The following MTR variants were observed in gnomAD, a reference collection of about 807,000 sequenced individuals.
MTR encodes the protein methionine synthase.
MTR carries 84 observed loss-of-function variants against 154.8 expected under a neutral mutation model. The observed-to-expected ratio is 0.54, with a 90% CI of 0.45 to 0.65. The LOEUF (loss-of-function observed/expected upper bound fraction) is 0.65. Ranked by LOEUF, MTR falls within the 30% of genes least tolerant of loss-of-function variation. The pLI is 0.00. For missense variants in MTR, 1,275 were observed against 1,570.2 expected (o/e 0.81, Z 3.18); for synonymous variants, 554 against 553.9 (o/e 1.00, Z 0.00).
intron 11 of MTR, among the ~76,000 whole-genome samples, chr1:236,828,390 A>C (rs1179067216): frequency 6.6e-6 from 1 of 152,176 alleles, no homozygotes; most frequent in African/African-American, 2.4e-5. Flanking sequence ...CCTCTTTAAA[A>C]AGAGGAGTTG....
rs755001529 is a variant in MTR, at chr1:236,861,157, G to A, written c.2076G>A (p.Glu692=). The A allele has an allele frequency of 6.9e-6, 11 of 1,601,550 alleles. No homozygotes were observed. Among genetic ancestry groups the A allele is most frequent in the South Asian group, 4.4e-5 (4 of 90,026 alleles). The change falls in exon 20 of 33, where the codon GAG becomes GAA. Residue 692 remains glutamate, a synonymous_variant. Transcript: ENST00000366577. ...AAAAACATATTATTGAGGATACTGA[G>A]GAAGCCAGGTTAAACCAAAAAAAAT... ...GIEKHIIEDT[E]EARLNQKKYP...
chr1:236,825,237 A>G (rs762791499), intron 9 of MTR, 101 bp from the exon 10 acceptor site: 49 of 728,406 alleles, frequency 6.7e-5, no homozygotes, highest in Non-Finnish European at 1.0e-4. Context: ...TCACCATTTA[A>G]TATAAATATA....
At chr1:236,820,552 G>GA in intron 8 of MTR, 1 of 618,126 alleles carries the variant, frequency 1.6e-6, no homozygotes, top group Non-Finnish European at 2.9e-6. Flanking sequence ...AAGTAACATG[G>GA]AAATAAGGCT....
rs746542041 is a variant in MTR at position 236,832,084 on chromosome 1, C to T, written c.1188+6C>T. The T allele has an allele frequency of 2.5e-6, 4 of 1,604,470 alleles. No homozygotes were observed. The African/African-American group carries it at 5.4e-5, about 21-fold the overall frequency. On this transcript the variant is annotated splice_donor_region_variant and intron_variant, in intron 13 of 32. Coordinates refer to ENST00000366577, the MANE Select transcript of MTR (RefSeq NM_000254.3). ...TCATGGCAGGAAACTATGAAGTGAG[C>T]ATCTTAATAAGACCCCTGAGGCATC... is the stretch of plus-strand genomic sequence containing the variant.
At chr1:236,843,437 T>C (rs893720238) in intron 15 of MTR, among the ~76,000 whole-genome samples, 2 of 152,174 alleles carry the variant, frequency 1.3e-5, no homozygotes, top group South Asian at 4.1e-4. Flanking sequence ...ACATAGGGCC[T>C]TGGAGGCCAT....
intron 14 of MTR, among the ~76,000 whole-genome samples, chr1:236,837,169 C>T (rs997983113): frequency 5.3e-5 from 8 of 152,112 alleles, no homozygotes; most frequent in African/African-American, 1.4e-4. Context: ...CAAGCAAATA[C>T]AAGCCGATAC....
At chr1:236,864,765 C>G (rs1182665577) in intron 22 of MTR, among the ~76,000 whole-genome samples, 1 of 152,192 alleles carries the variant, frequency 6.6e-6, no homozygotes, top group Non-Finnish European at 1.5e-5. Context: ...GCATTCATCA[C>G]AGTCAGTTAA....
intron 15 of MTR, among the ~76,000 whole-genome samples, chr1:236,841,729 A>G (rs1663248753): frequency 6.6e-6 from 1 of 151,642 alleles, no homozygotes; most frequent in Non-Finnish European, 1.5e-5. Context: ...AATATTTTTG[A>G]AACCTTACGT....
At chr1:236,849,779 T>G (rs911837194) in intron 15 of MTR, among the ~76,000 whole-genome samples, 3 of 152,134 alleles carry the variant, frequency 2.0e-5, no homozygotes, top group Admixed American at 1.3e-4. Context: ...ATTTATGACT[T>G]AAGACACATG....
At chr1:236,816,636 A>G (rs1011364604) in intron 8 of MTR, 93 bp downstream of exon 8, 4 of 1,007,998 alleles carry the variant, frequency 4.0e-6, no homozygotes, top group Non-Finnish European at 6.3e-6. Flanking sequence ...TTGCTTCTAC[A>G]TATTTTCACT....
At chr1:236,820,349 C>G (rs1447814583) in intron 8 of MTR, 2 of 760,374 alleles carry the variant, frequency 2.6e-6, no homozygotes, top group Non-Finnish European at 4.8e-6. Flanking sequence ...CCCGAGTTCA[C>G]TGCTACTCGG....
At chr1:236,850,233 T>G in intron 15 of MTR, 111 bp from the exon 16 acceptor site, 1 of 689,428 alleles carries the variant, frequency 1.5e-6, no homozygotes, top group Non-Finnish European at 2.0e-6. Flanking sequence ...TGTATAACAC[T>G]TAATATTTTA....
intron 24 of MTR, among the ~76,000 whole-genome samples, chr1:236,876,342 C>T (rs1397981922): frequency 6.6e-6 from 1 of 152,136 alleles, no homozygotes; most frequent in East Asian, 1.9e-4. Flanking sequence ...TTTGCGTTTC[C>T]ACAAAGGACT....
intron 22 of MTR, among the ~76,000 whole-genome samples, chr1:236,866,596 G>C (rs887937308): frequency 8.5e-5 from 13 of 152,212 alleles, no homozygotes; most frequent in Non-Finnish European, 1.8e-4. Flanking sequence ...TAGTGAGGAA[G>C]GCATGTCAAA....
At chr1:236,864,805 T>G (rs1015998449) in intron 22 of MTR, among the ~76,000 whole-genome samples, 11 of 152,222 alleles carry the variant, frequency 7.2e-5, no homozygotes, top group African/African-American at 2.7e-4. Flanking sequence ...TTATAGATCA[T>G]CTTCTACTTA....
intron 8 of MTR, among the ~76,000 whole-genome samples, chr1:236,821,235 G>A (rs1661925805): frequency 6.6e-6 from 1 of 152,170 alleles, no homozygotes; most frequent in African/African-American, 2.4e-5. Flanking sequence ...GAAAGAGAGG[G>A]GACAAGAGAC....
At chr1:236,806,102 A>G in intron 2 of MTR, 42 bp from the exon 3 acceptor site, 1 of 1,539,774 alleles carries the variant, frequency 6.5e-7, no homozygotes, top group Non-Finnish European at 9.0e-7. Context: ...GGGCACAAGA[A>G]ACTCTAAAGC....
chr1:236,853,979 A>G (rs1358702465), intron 18 of MTR, among the ~76,000 whole-genome samples: 2 of 152,238 alleles, frequency 1.3e-5, no homozygotes, highest in Admixed American at 1.3e-4. Context: ...GTTTAAGAGA[A>G]TGATGGCAAA....
chr1:236,846,859 C>T (rs1387329889), intron 15 of MTR, among the ~76,000 whole-genome samples: 1 of 152,046 alleles, frequency 6.6e-6, no homozygotes, highest in Non-Finnish European at 1.5e-5. Context: ...ACATCCGTTT[C>T]CATCACTTCT....
Sources: allele counts gnomAD v4.1 joint callset (sites outside exome capture counted in the v4.1 genomes callset), GRCh38; gene constraint gnomAD v4.1.1; transcripts MANE v1.5; gene names NCBI Gene and HGNC (gene_info 2026-07-23, HGNC 2026-07-21).